The following GUCY1B1 variants were observed in gnomAD, a reference collection of about 807,000 sequenced individuals.
The protein encoded by GUCY1B1 is guanylate cyclase 1 soluble subunit beta 1.
A neutral mutation model predicts 71.0 loss-of-function variants in GUCY1B1; 43 were observed. That is an observed-to-expected ratio of 0.61 (90% CI 0.47 to 0.78). The LOEUF (loss-of-function observed/expected upper bound fraction) is 0.78, where lower values mean the gene tolerates loss of function less well. Ranked by LOEUF, GUCY1B1 falls within the 30% of genes least tolerant of loss-of-function variation. The pLI, the probability that GUCY1B1 is intolerant of heterozygous loss-of-function variation, is 0.00. For missense variants in GUCY1B1, 535 were observed against 754.1 expected, an observed-to-expected ratio of 0.71 and a Z score of 3.40; for synonymous variants, 266 against 259.7, an observed-to-expected ratio of 1.02 and a Z score of -0.23.
At position 155,793,947 on chromosome 4, in the gene GUCY1B1, A is replaced by G; in HGVS notation, c.587A>G (p.Asp196Gly). 6.3e-7 allele frequency: 1 copy of G among 1,599,126 alleles called. No homozygotes were observed. The highest frequency in any genetic ancestry group is 8.6e-7 in the Non-Finnish European group (1 of 1,166,334). Reference protein sequence around the residue: ...SKEEDFYEDLDRFEENGTQES... With the variant: ...SKEEDFYEDLGRFEENGTQES... ...GAAGAGGATTTTTATGAAGATCTTG[A>G]CAGATTTGAAGAAAATGGTACCCAG... Residue 196 changes from aspartate to glycine, a missense_variant, in exon 6 of 14, where the codon GAC (aspartate) becomes GGC (glycine). Coordinates refer to ENST00000264424, the MANE Select transcript of GUCY1B1 (RefSeq NM_000857.5).
chr4:155,799,189 T>A (rs996900137), intron 8 of GUCY1B1, among the ~76,000 whole-genome samples: 3 of 152,134 alleles, frequency 2.0e-5, no homozygotes, highest in Non-Finnish European at 4.4e-5. Flanking sequence ...AGATTATCAC[T>A]AAAATAATAA....
chr4:155,796,446 C>T lies in GUCY1B1; in HGVS notation c.913C>T (p.Arg305Cys), dbSNP rs1481431741. Residue 305 changes from arginine (R) to cysteine (C), a missense_variant, in exon 8 of 14, where the codon CGT becomes TGT. Physicochemically the swap from Arg to Cys is radical, Grantham distance 180. Transcript: ENST00000264424. ...ELTGTEISCLRLKGQMIYLPE... is the reference protein window; with the variant it reads ...ELTGTEISCLCLKGQMIYLPE... ...GACTGGGACTGAGATCAGCTGCTTA[C>T]GTCTCAAGGGTCAAATGATCTACTT... is the stretch of plus-strand genomic sequence containing the variant. 1.9e-6 allele frequency: 3 copies of T among 1,609,668 alleles called. No individual in the cohort carries two copies. The highest frequency in any genetic ancestry group is 1.3e-5 in the African/African-American group (1 of 74,842).
In GUCY1B1 at chr4:155,793,943, C is replaced by A. The variant is rs1407705548; in HGVS notation, c.583C>A (p.Leu195Ile). 6.3e-7 allele frequency: 1 copy of A among 1,597,160 alleles called. No homozygotes were observed. Among genetic ancestry groups the A allele is most frequent in the East Asian group, 2.2e-5 (1 of 44,784 alleles). ...AAAAGAAGAGGATTTTTATGAAGAT[C>A]TTGACAGATTTGAAGAAAATGGTAC... is the stretch of plus-strand genomic sequence containing the variant. ...ESKEEDFYED[L>I]DRFEENGTQE... Residue 195 changes from leucine to isoleucine, a missense_variant, in exon 6 of 14, where the codon CTT becomes ATT. Physicochemically the swap from Leu to Ile is conservative, Grantham distance 5 (BLOSUM62 2). Coordinates refer to ENST00000264424, the MANE Select transcript of GUCY1B1 (RefSeq NM_000857.5).
intron 4 of GUCY1B1, among the ~76,000 whole-genome samples, chr4:155,781,294 A>C (rs1738398993): frequency 6.6e-6 from 1 of 152,142 alleles, no homozygotes; most frequent in Admixed American, 6.6e-5. Context: ...TTTTTATTCG[A>C]GGATACTGTA....
intron 1 of GUCY1B1, 103 bp downstream of exon 1, chr4:155,759,246 G>A (rs1736775078): frequency 3.4e-6 from 4 of 1,182,382 alleles, no homozygotes; most frequent in Non-Finnish European, 4.8e-6. Context: ...GGGGGCCCTG[G>A]GCGCTCACTG....
intron 12 of GUCY1B1, 128 bp from the exon 13 acceptor site, chr4:155,804,975 T>C (rs188142988): frequency 4.7e-4 from 398 of 849,408 alleles, no homozygotes; most frequent in Middle Eastern, 7.3e-4. Context: ...TTTCTAAAGC[T>C]TTGAGTTACC....
chr4:155,760,431 C>G (rs115413397), intron 2 of GUCY1B1, among the ~76,000 whole-genome samples: 12,366 of 142,088 alleles, frequency 0.087, 565 homozygotes, highest in South Asian at 0.15. Context: ...CCCACCCCCC[C>G]CGCCCCAACC....
intron 4 of GUCY1B1, among the ~76,000 whole-genome samples, chr4:155,784,010 T>C (rs1418582479): frequency 6.6e-6 from 1 of 152,166 alleles, no homozygotes; most frequent in African/African-American, 2.4e-5. Context: ...TTCAAAATAT[T>C]GATTAATTGT....
At position 155,759,257 on chromosome 4, in the gene GUCY1B1, C is replaced by A. The variant is rs940150822; in HGVS notation, c.3+114C>A. The A allele has an allele frequency of 2.3e-4, 246 of 1,062,678 alleles. 1 individual carries two copies. The highest frequency in any genetic ancestry group is 2.9e-4 in the Middle Eastern group (1 of 3,412). 65.8% of individuals were successfully genotyped at this position (1,062,678 alleles called of 1,614,324 possible). On this transcript the variant is annotated intron_variant, in intron 1 of 13. Transcript: ENST00000264424. Reference sequence around the variant, plus strand: ...GCTCGGGGGCCCTGGGCGCTCACTGCCGGCCACGGGAGCAGCCTCACTCCT... The same window carrying A: ...GCTCGGGGGCCCTGGGCGCTCACTGACGGCCACGGGAGCAGCCTCACTCCT...
chr4:155,767,446 G>A (rs773724183), intron 2 of GUCY1B1, among the ~76,000 whole-genome samples: 3 of 152,040 alleles, frequency 2.0e-5, no homozygotes, highest in Non-Finnish European at 4.4e-5. Flanking sequence ...GGTCTCTTGT[G>A]ACTCAAAATT....
Position 155,759,840 on chromosome 4 carries a change from C to G in GUCY1B1, c.57C>G (p.Pro19=). ...TGCTGGTGATCCGCAATTACGGCCC[C>G]GAGGTGTGGGAAGACATCAAGTAAG... ...LELLVIRNYG[P]EVWEDIKKEA... Residue 19 remains proline, a synonymous_variant, in exon 2 of 14, where the codon CCC becomes CCG. Coordinates refer to ENST00000264424, the MANE Select transcript of GUCY1B1 (RefSeq NM_000857.5). 1.2e-6 allele frequency: 2 copies of G among 1,612,702 alleles called. No homozygotes were observed. The highest frequency in any genetic ancestry group is 1.7e-6 in the Non-Finnish European group (2 of 1,179,166).
chr4:155,785,537 T>C (rs887827859), intron 4 of GUCY1B1, among the ~76,000 whole-genome samples: 13 of 152,098 alleles, frequency 8.5e-5, no homozygotes, highest in Non-Finnish European at 1.9e-4. Context: ...TTTGTTTAGA[T>C]AGCATTATCA....
chr4:155,780,286 C>G (rs1738325044), intron 4 of GUCY1B1, among the ~76,000 whole-genome samples: 1 of 152,166 alleles, frequency 6.6e-6, no homozygotes, highest in Admixed American at 6.5e-5. Flanking sequence ...GCTATCCTCT[C>G]AGCTTTTCCA....
At chr4:155,766,139 A>T (rs1737318738) in intron 2 of GUCY1B1, among the ~76,000 whole-genome samples, 1 of 152,276 alleles carries the variant, frequency 6.6e-6, no homozygotes, top group African/African-American at 2.4e-5. Context: ...TGAATGAAGT[A>T]TCTTTCACCT....
rs1740020677 is a variant in GUCY1B1 at position 155,802,432 on chromosome 4, C to A, written c.1266C>A (p.Ile422=). Residue 422 remains isoleucine, a synonymous_variant, in exon 10 of 14, where the codon ATC becomes ATA. Coordinates refer to ENST00000264424, the MANE Select transcript of GUCY1B1 (RefSeq NM_000857.5). The surrounding 1 kb of genome is among the most constrained non-coding windows in gnomAD (Gnocchi z 4.3). ...CCAAAAGATATGACAATGTGACCAT[C>A]CTCTTTAGTGGCATTGTGGGCTTCA... ...VPAKRYDNVT[I]LFSGIVGFNA... 1 of 1,613,684 alleles carries A rather than the reference C, an allele frequency of 6.2e-7. No individual in the cohort carries two copies. Among genetic ancestry groups the A allele is most frequent in the Non-Finnish European group, 8.5e-7 (1 of 1,179,764 alleles).
chr4:155,774,971 A>G lies in GUCY1B1; in HGVS notation c.81A>G (p.Lys27=). 2 of 1,535,916 alleles carry G rather than the reference A, an allele frequency of 1.3e-6. No homozygotes were observed. Among genetic ancestry groups the G allele is most frequent in the East Asian group, 2.2e-5 (1 of 44,520 alleles). The change falls in exon 3 of 14, where the codon AAA becomes AAG. Residue 27 remains lysine (K), a synonymous_variant. Transcript: ENST00000264424. ...YGPEVWEDIK[K]EAQLDEEGQF... ...CTTTCTTGTTTTTGTTTTCCAGAAA[A>G]GAGGCACAGTTAGATGAAGAAGGAC... is the stretch of plus-strand genomic sequence containing the variant.
intron 5 of GUCY1B1, 50 bp from the exon 6 acceptor site, chr4:155,793,806 A>G (rs1392434276): frequency 1.2e-6 from 1 of 816,472 alleles, no homozygotes; most frequent in African/African-American, 1.7e-5. Flanking sequence ...AGGTATTTTT[A>G]TTAAACTGAA....
intron 7 of GUCY1B1, among the ~76,000 whole-genome samples, chr4:155,796,077 T>C (rs1739534222): frequency 6.6e-6 from 1 of 152,154 alleles, no homozygotes; most frequent in South Asian, 2.1e-4. Context: ...GTAATGTATG[T>C]TGGAACCATA....
At chr4:155,771,160 A>G (rs1446878302) in intron 2 of GUCY1B1, among the ~76,000 whole-genome samples, 1 of 152,230 alleles carries the variant, frequency 6.6e-6, no homozygotes, top group Non-Finnish European at 1.5e-5. Context: ...AGTCCTAAGT[A>G]CTTTGAATAA....
Sources: gnomAD v4.1 joint callset for allele counts (sites outside exome capture counted in the v4.1 genomes callset) on GRCh38, gnomAD v4.1.1 for gene constraint, Gnocchi (gnomAD v3.1) non-coding constraint, MANE v1.5 for transcripts, NCBI Gene and HGNC (gene_info 2026-07-23, HGNC 2026-07-21) for gene names.